The following TMPO variants were observed in gnomAD, a reference collection of about 807,000 sequenced individuals.
The protein encoded by TMPO is thymopoietin, also known as LEM domain containing 4.
Under a neutral mutation model 45.4 loss-of-function variants are expected in TMPO, and 22 were observed. The observed-to-expected ratio is 0.48, with a 90% CI of 0.35 to 0.69. TMPO has a LOEUF of 0.69. Among genes scored for constraint, TMPO ranks in the 30% least tolerant of loss-of-function variants. TMPO has a pLI of 0.01. For synonymous variants in TMPO, 241 were observed against 204.1 expected (o/e 1.18, Z -1.54); for missense variants, 512 against 548.8 (o/e 0.93, Z 0.67).
In TMPO at chr12:98,549,019, A is replaced by G; in HGVS notation, c.*1161A>G. On this transcript the variant is annotated 3_prime_UTR_variant, in exon 9 of 9. Transcript: ENST00000556029. ...GCCTGTAGTCCTGTCTACTAGGGAG[A>G]CTGAGGCAGGAGAATCGTTTGAACC... 1 of 152,250 alleles carries G rather than the reference A, an allele frequency of 6.6e-6. No homozygotes were observed. The highest frequency in any genetic ancestry group is 1.5e-5 in the Non-Finnish European group (1 of 68,058). 9.4% of individuals were successfully genotyped at this position (152,250 alleles called of 1,614,324 possible).
At chr12:98,540,022 A>G (rs1877817626) in intron 4 of TMPO, among the ~76,000 whole-genome samples, 1 of 152,252 alleles carries the variant, frequency 6.6e-6, no homozygotes, top group Non-Finnish European at 1.5e-5. Flanking sequence ...ATCAGGATCC[A>G]GACAGGATCC....
intron 4 of TMPO, among the ~76,000 whole-genome samples, chr12:98,538,210 A>G (rs565770037): frequency 1.3e-5 from 2 of 152,318 alleles, no homozygotes; most frequent in Non-Finnish European, 2.9e-5. Flanking sequence ...TATTGTTTAC[A>G]GAGAACAAAT....
At position 98,549,992 on chromosome 12, in the gene TMPO, TC is replaced by T. The variant is rs1878448450; in HGVS notation, c.*2137del. 1 of 152,212 alleles carries T rather than the reference TC, an allele frequency of 6.6e-6. No individual in the cohort carries two copies. The highest frequency in any genetic ancestry group is 2.4e-5 in the African/African-American group (1 of 41,456). 9.4% of individuals were successfully genotyped at this position (152,212 alleles called of 1,614,324 possible). ...CTTTTCTTTGTTTTGAAACTTTGTT[TC>T]CCATACTGTTTTCAGCCTTTTGTTT... On this transcript the variant is annotated 3_prime_UTR_variant, in exon 9 of 9. Coordinates refer to ENST00000556029, the MANE Select transcript of TMPO (RefSeq NM_001032283.3).
At chr12:98,531,628 G>A in intron 2 of TMPO, 52 bp from the exon 3 acceptor site, 2 of 1,571,398 alleles carry the variant, frequency 1.3e-6, no homozygotes, top group South Asian at 2.2e-5. Flanking sequence ...TGTCTGAGCT[G>A]CATCCTAAAT....
chr12:98,547,614 C>T lies in TMPO; in HGVS notation c.1121C>T (p.Pro374Leu). ...RRPIKGAAGRPLELSDFRMEE... is the reference protein window; with the variant it reads ...RRPIKGAAGRLLELSDFRMEE... Reference sequence around the variant, plus strand: ...CCAATCAAAGGGGCTGCAGGCCGGCCATTAGAACTCAGTGATTTCAGGATG... The same window carrying T: ...CCAATCAAAGGGGCTGCAGGCCGGCTATTAGAACTCAGTGATTTCAGGATG... Residue 374 changes from proline (P) to leucine (L), a missense_variant, in exon 9 of 9, where the codon CCA becomes CTA. By Grantham distance (98) the Pro-to-Leu change is moderately conservative. Coordinates refer to ENST00000556029, the MANE Select transcript of TMPO (RefSeq NM_001032283.3). 1 of 1,614,184 alleles carries T rather than the reference C, an allele frequency of 6.2e-7. No homozygotes were observed. The highest frequency in any genetic ancestry group is 8.5e-7 in the Non-Finnish European group (1 of 1,180,038).
chr12:98,528,146 G>GT, intron 2 of TMPO, 134 bp downstream of exon 2: 3 of 979,498 alleles, frequency 3.1e-6, no homozygotes, highest in African/African-American at 1.6e-5. Context: ...CAGAACCTGT[G>GT]TTTCTTTGAC....
rs752783130 is a variant in TMPO at position 98,534,048 on chromosome 12, T to C, written c.565+2210T>C. ...TAGCTAAGGCTATGCAGGCAGACAT[T>C]AGTCAAGCTGCACAGATTCTTAGCT... On this transcript the variant is annotated intron_variant, in intron 3 of 8. Coordinates refer to ENST00000556029, the MANE Select transcript of TMPO (RefSeq NM_001032283.3). 7.5e-6 allele frequency: 12 copies of C among 1,608,550 alleles called. No individual in the cohort carries two copies. The highest frequency in any genetic ancestry group is 5.0e-5 in the Admixed American group (3 of 59,872).
chr12:98,534,208 C>A (rs760891682), intron 3 of TMPO: 1 of 1,613,892 alleles, frequency 6.2e-7, no homozygotes. Flanking sequence ...TGTAGGTCGT[C>A]GATACCTCTG....
intron 4 of TMPO, among the ~76,000 whole-genome samples, chr12:98,543,769 T>TATA (rs1216298644): frequency 2.0e-5 from 3 of 152,242 alleles, no homozygotes; most frequent in Admixed American, 2.0e-4. Context: ...CTAAAATGAT[T>TATA]ATAACCATAT....
At position 98,533,307 on chromosome 12, in the gene TMPO, A is replaced by G. The variant is rs147812883; in HGVS notation, c.565+1469A>G. ...CTGAGAGGTCCCATATTTCAGATCA[A>G]TCGCCTCTCTCCAGTAAAAGGAAAG... On this transcript the variant is annotated intron_variant, in intron 3 of 8. Coordinates refer to ENST00000556029, the MANE Select transcript of TMPO (RefSeq NM_001032283.3). 190 of 1,614,118 alleles carry G rather than the reference A, an allele frequency of 1.2e-4. No homozygotes were observed. Among genetic ancestry groups the G allele is most frequent in the Middle Eastern group, 3.3e-4 (2 of 6,062 alleles).
intron 1 of TMPO, among the ~76,000 whole-genome samples, chr12:98,526,752 G>A (rs1038800463): frequency 9.9e-5 from 15 of 152,122 alleles, no homozygotes; most frequent in African/African-American, 3.6e-4. Flanking sequence ...GAGGTCAAGA[G>A]ATCGAGACCA....
chr12:98,526,839 T>C (rs892399099), intron 1 of TMPO, among the ~76,000 whole-genome samples: 1 of 152,042 alleles, frequency 6.6e-6, no homozygotes, highest in Non-Finnish European at 1.5e-5. Context: ...ACACCTGTAC[T>C]CTCAGCTACT....
At position 98,528,029 on chromosome 12, in the gene TMPO, T is replaced by G. The variant is rs1565808323; in HGVS notation, c.406+17T>G. On this transcript the variant is annotated intron_variant, in intron 2 of 8. Transcript: ENST00000556029. The stretch of plus-strand genomic sequence containing the variant: ...CTATTGTGGGTAAGTTGATAAAATT[T>G]CAAATACAGTATCTTTTCTCTGAAG... 1.9e-6 allele frequency: 3 copies of G among 1,613,682 alleles called. No homozygotes were observed. Among genetic ancestry groups the G allele is most frequent in the Non-Finnish European group, 2.5e-6 (3 of 1,179,772 alleles).
At position 98,546,371 on chromosome 12, in the gene TMPO, A is replaced by C. The variant is rs1878229499; in HGVS notation, c.1003A>C (p.Thr335Pro). Residue 335 changes from threonine to proline, a missense_variant, in exon 8 of 9, where the codon ACA becomes CCA. Coordinates refer to ENST00000556029, the MANE Select transcript of TMPO (RefSeq NM_001032283.3). ...TGTTTCTTATTAGGTGGGAGAAAAAACAGAGGAAAGAAGAGTAGAAAGGGA... is the reference window on the plus strand; with the variant it reads ...TGTTTCTTATTAGGTGGGAGAAAAACCAGAGGAAAGAAGAGTAGAAAGGGA... ...PLTRAEVGEK[T>P]EERRVERDIL... 10 of 1,612,064 alleles carry C rather than the reference A, an allele frequency of 6.2e-6. No homozygotes were observed. Among genetic ancestry groups the C allele is most frequent in the Non-Finnish European group, 6.8e-6 (8 of 1,178,246 alleles).
chr12:98,537,232 A>G (rs1311491671), intron 3 of TMPO, among the ~76,000 whole-genome samples: 1 of 152,232 alleles, frequency 6.6e-6, no homozygotes. Context: ...GGAAAGGAGA[A>G]TAGGTAGGAA....
intron 7 of TMPO, among the ~76,000 whole-genome samples, 176 bp downstream of exon 7, chr12:98,545,237 A>G (rs1878163599): frequency 6.6e-6 from 1 of 151,684 alleles, no homozygotes; most frequent in Admixed American, 6.6e-5. Flanking sequence ...GTGAAAACAG[A>G]AATTAACTAA....
At chr12:98,539,839 A>C (rs1877808489) in intron 4 of TMPO, among the ~76,000 whole-genome samples, 1 of 152,220 alleles carries the variant, frequency 6.6e-6, no homozygotes, top group Admixed American at 6.5e-5. Context: ...TCTTTGACAT[A>C]GTGTTTCACA....
Position 98,546,413 on chromosome 12 carries a change from T to C in TMPO, c.1045T>C (p.Phe349Leu). The change falls in exon 8 of 9, where the codon TTC becomes CTC. Residue 349 changes from phenylalanine (F) to leucine (L), a missense_variant. Transcript: ENST00000556029. The part of the protein sequence containing the change: ...RVERDILKEM[F>L]PYEASTPTGI... ...AGAAAGGGATATTCTTAAGGAAATGTTCCCCTATGAAGCATCTACACCAAC... is the reference window on the plus strand; with the variant it reads ...AGAAAGGGATATTCTTAAGGAAATGCTCCCCTATGAAGCATCTACACCAAC... The C allele has an allele frequency of 6.2e-7, 1 of 1,611,902 alleles. No individual in the cohort carries two copies. Among genetic ancestry groups the C allele is most frequent in the South Asian group, 1.1e-5 (1 of 91,018 alleles).
intron 7 of TMPO, among the ~76,000 whole-genome samples, chr12:98,545,578 A>T (rs992318928): frequency 2.0e-5 from 3 of 152,210 alleles, no homozygotes; most frequent in Non-Finnish European, 4.4e-5. Flanking sequence ...CATAAAGGTA[A>T]ACAGTAAAAC....
Sources: allele counts gnomAD v4.1 joint callset (sites outside exome capture counted in the v4.1 genomes callset), GRCh38; gene constraint gnomAD v4.1.1; transcripts MANE v1.5; gene names NCBI Gene and HGNC (gene_info 2026-07-23, HGNC 2026-07-21).